The following TNPO3 variants were observed in gnomAD, a reference collection of about 807,000 sequenced individuals.
TNPO3 encodes the protein transportin-3.
TNPO3 carries 65 observed loss-of-function variants against 122.8 expected under a neutral mutation model. That is an observed-to-expected ratio of 0.53 (90% CI 0.43 to 0.65). TNPO3 has a LOEUF of 0.65. Among genes scored for constraint, TNPO3 ranks in the 30% least tolerant of loss-of-function variants. The pLI, the probability that TNPO3 is intolerant of heterozygous loss-of-function variation, is 0.00. For synonymous variants in TNPO3, 372 were observed against 411.2 expected (o/e 0.90, Z 1.15); for missense variants, 850 against 1,136.7 (o/e 0.75, Z 3.63).
At chr7:129,012,626 T>C (rs1486261467) in intron 4 of TNPO3, among the ~76,000 whole-genome samples, 1 of 152,172 alleles carries the variant, frequency 6.6e-6, no homozygotes, top group East Asian at 1.9e-4. Flanking sequence ...CCCTAAACCC[T>C]TCTGGTCCCA....
chr7:129,009,446 A>T (rs1802942003), intron 4 of TNPO3, among the ~76,000 whole-genome samples: 1 of 152,216 alleles, frequency 6.6e-6, no homozygotes, highest in South Asian at 2.1e-4. Flanking sequence ...TTTTGGACTA[A>T]TTTCATCCCC....
chr7:129,015,480 AT>A (rs1803735606), intron 3 of TNPO3, among the ~76,000 whole-genome samples: 1 of 152,230 alleles, frequency 6.6e-6, no homozygotes, highest in Non-Finnish European at 1.5e-5. Flanking sequence ...GCACTTATTT[AT>A]TTTAAAATGC....
At chr7:128,978,952 G>A (rs1425213311) in intron 16 of TNPO3, 31 bp downstream of exon 16, 1 of 1,612,308 alleles carries the variant, frequency 6.2e-7, no homozygotes, top group African/African-American at 1.3e-5. Flanking sequence ...TCTGTACATG[G>A]AACACGTCCC....
intron 4 of TNPO3, among the ~76,000 whole-genome samples, chr7:129,007,165 A>C (rs1012200139): frequency 6.6e-6 from 1 of 152,212 alleles, no homozygotes; most frequent in Non-Finnish European, 1.5e-5. Context: ...TATGAAACAG[A>C]TACTATTATC....
rs983829202 is a variant in TNPO3 at position 129,000,994 on chromosome 7, A to C, written c.872+65T>G. ...CACAAATGACAGACGAATAATAAAA[A>C]GTGACTTAAAAGAATGACCAGACTG... On this transcript the variant is annotated intron_variant, in intron 6 of 22. Coordinates refer to ENST00000265388, the MANE Select transcript of TNPO3 (RefSeq NM_012470.4). 5.9e-6 allele frequency: 9 copies of C among 1,532,376 alleles called. No individual in the cohort carries two copies. In the African/African-American group the frequency reaches 1.2e-4, roughly 21 times the overall value. The allele number at this position is 1,532,376 out of a possible 1,614,324, so 94.9% of individuals were successfully genotyped here.
intron 1 of TNPO3, among the ~76,000 whole-genome samples, chr7:129,043,940 A>G (rs539437575): frequency 2.5e-4 from 38 of 152,332 alleles, no homozygotes; most frequent in African/African-American, 8.9e-4. Context: ...ACTGGTCTCT[A>G]TTTCTGCCTA....
At chr7:129,055,393 A>G (rs1222825850), upstream of TNPO3, 1 of 155,888 alleles carries the variant, frequency 6.4e-6, no homozygotes, top group Non-Finnish European at 1.4e-5. Context: ...CCCTCTCCAG[A>G]GAATCCTTTT....
In TNPO3 at chr7:129,035,266, T is replaced by C. The variant is rs1806495659; in HGVS notation, c.121-17109A>G. Among the ~76,000 whole-genome samples the C allele has an allele frequency of 2.0e-5, 3 of 152,080 alleles. No individual in the cohort carries two copies. The South Asian group carries it at 6.2e-4, about 32-fold the overall frequency. On this transcript the variant is annotated intron_variant, in intron 1 of 22. Transcript: ENST00000265388. ...TCCGGCCTGGGCGAAAGAGCGAGAC[T>C]CCGTCTCAAAACAACAACAACATAT...
chr7:129,055,947 C>A, upstream of TNPO3: 1 of 678,510 alleles, frequency 1.5e-6, no homozygotes, highest in Non-Finnish European at 2.7e-6. Context: ...ATCCGCCTAA[C>A]AACCTTGCCA....
At chr7:128,971,345 C>T (rs111232809) in intron 19 of TNPO3, among the ~76,000 whole-genome samples, 16 of 152,194 alleles carry the variant, frequency 1.1e-4, no homozygotes, top group African/African-American at 3.6e-4. Context: ...AGGGTTTCAC[C>T]ATGTTGGCCA....
chr7:129,013,266 C>T (rs1039335470), intron 4 of TNPO3, among the ~76,000 whole-genome samples: 1 of 151,768 alleles, frequency 6.6e-6, no homozygotes, highest in African/African-American at 2.4e-5. Context: ...AAATCAAAGG[C>T]AACTAAAGCA....
At chr7:128,961,428 C>T (rs368492856) in intron 21 of TNPO3, among the ~76,000 whole-genome samples, 5 of 152,098 alleles carry the variant, frequency 3.3e-5, no homozygotes, top group African/African-American at 1.2e-4. Context: ...CTATATAGAC[C>T]AGGTGTCCGG....
chr7:129,034,400 G>C (rs1008659146), intron 1 of TNPO3, among the ~76,000 whole-genome samples: 2 of 152,086 alleles, frequency 1.3e-5, no homozygotes, highest in Non-Finnish European at 2.9e-5. Flanking sequence ...GTGTGGGCAG[G>C]AACACTGAGG....
chr7:129,048,229 C>CA (rs373182470), intron 1 of TNPO3, among the ~76,000 whole-genome samples: 19 of 152,156 alleles, frequency 1.2e-4, no homozygotes, highest in Non-Finnish European at 2.1e-4. Flanking sequence ...GACCCTGTCT[C>CA]AAAAAACTAA....
At chr7:128,993,682 G>A in intron 9 of TNPO3, 125 bp downstream of exon 9, 1 of 769,512 alleles carries the variant, frequency 1.3e-6, no homozygotes, top group Non-Finnish European at 2.1e-6. Context: ...CTAGGCACTT[G>A]CATATCTATT....
Position 128,955,201 on chromosome 7 carries a change from G to T in TNPO3, c.*216C>A. On this transcript the variant is annotated 3_prime_UTR_variant, in exon 23 of 23. Coordinates refer to ENST00000265388, the MANE Select transcript of TNPO3 (RefSeq NM_012470.4). The stretch of plus-strand genomic sequence containing the variant: ...CCACAGCCATCTTTTTAAAATCCGC[G>T]CTGATTTTCCCTCACACCCCCAAAC... 1 of 372,066 alleles carries T rather than the reference G, an allele frequency of 2.7e-6. No individual in the cohort carries two copies. The highest frequency in any genetic ancestry group is 8.9e-4 in the Middle Eastern group (1 of 1,120). 23.0% of individuals were successfully genotyped at this position (372,066 alleles called of 1,614,324 possible). A position where few individuals can be genotyped will look rare whatever the true frequency, so the allele number is the denominator to read the frequency against.
At chr7:129,047,883 C>A (rs1244670071) in intron 1 of TNPO3, among the ~76,000 whole-genome samples, 1 of 152,134 alleles carries the variant, frequency 6.6e-6, no homozygotes, top group East Asian at 1.9e-4. Flanking sequence ...AAAAAACCAC[C>A]ACACACATTA....
At chr7:129,035,946 TTTTC>T (rs1341371289) in intron 1 of TNPO3, among the ~76,000 whole-genome samples, 2 of 100,240 alleles carry the variant, frequency 2.0e-5, no homozygotes, top group African/African-American at 6.1e-5. Context: ...TTTTCTTTTC[TTTTC>T]TTTTTTTTTT....
At chr7:128,969,617 T>C (rs1054337415) in intron 20 of TNPO3, among the ~76,000 whole-genome samples, 3 of 152,150 alleles carry the variant, frequency 2.0e-5, no homozygotes, top group African/African-American at 7.2e-5. Context: ...CATTATTAGA[T>C]AGCTTTAAAA....
Sources: gnomAD v4.1 joint callset for allele counts (sites outside exome capture counted in the v4.1 genomes callset) on GRCh38, gnomAD v4.1.1 for gene constraint, MANE v1.5 for transcripts, NCBI Gene and HGNC (gene_info 2026-07-23, HGNC 2026-07-21) for gene names.